PFKL: variants seen among roughly 807,000 people sequenced by gnomAD.
The protein encoded by PFKL is phosphofructokinase, liver type.
In PFKL, 74 loss-of-function variants were observed where a neutral mutation model predicts 92.1. The ratio of observed to expected loss-of-function variants is 0.80; its 90% CI spans 0.67 to 0.97. The LOEUF (loss-of-function observed/expected upper bound fraction) is 0.97. Ranked by LOEUF, PFKL falls within the 50% of genes least tolerant of loss-of-function variation. The pLI, the probability that PFKL is intolerant of heterozygous loss-of-function variation, is 0.00. For missense variants in PFKL, 1,028 were observed against 1,116.6 expected, an observed-to-expected ratio of 0.92 and a Z score of 1.13; for synonymous variants, 494 against 456.4, an observed-to-expected ratio of 1.08 and a Z score of -1.05.
chr21:44,305,869 C>T (rs766903040), intron 1 of PFKL: 1 of 1,366,032 alleles, frequency 7.3e-7, no homozygotes, highest in Non-Finnish European at 9.8e-7. Flanking sequence ...GAGCCGAGGG[C>T]AAGGGGACAG....
intron 18 of PFKL, 22 bp from the exon 19 acceptor site, chr21:44,325,131 C>T: frequency 6.5e-7 from 1 of 1,529,228 alleles, no homozygotes; most frequent in Non-Finnish European, 9.1e-7. Flanking sequence ...CCCGCCGACT[C>T]AGGCCCTGCT....
At chr21:44,316,557 C>A in intron 9 of PFKL, 33 bp downstream of exon 9, 3 of 1,490,408 alleles carry the variant, frequency 2.0e-6, no homozygotes, top group Non-Finnish European at 2.8e-6. Context: ...TGCGTACGTG[C>A]GTGGGTAAGC....
chr21:44,307,577 G>A (rs759910981), intron 2 of PFKL, among the ~76,000 whole-genome samples: 5 of 152,196 alleles, frequency 3.3e-5, no homozygotes, highest in African/African-American at 1.2e-4. Flanking sequence ...CTCACTGCTC[G>A]CTGCTGACCA....
chr21:44,313,053 A>T lies in PFKL; in HGVS notation c.503A>T (p.Asp168Val). 6.2e-7 allele frequency: 1 copy of T among 1,612,992 alleles called. No individual in the cohort carries two copies. Among genetic ancestry groups the T allele is most frequent in the South Asian group, 1.1e-5 (1 of 91,066 alleles). ...GGCCTAGTGGGCTCCATCGATAACG[A>T]CTTCTGCGGCACCGACATGACCATC... is the stretch of plus-strand genomic sequence containing the variant. Reference protein sequence around the residue: ...IAGLVGSIDNDFCGTDMTIGT... With the variant: ...IAGLVGSIDNVFCGTDMTIGT... The change falls in exon 5 of 22, where the codon GAC (aspartate) becomes GTC (valine). Residue 168 changes from aspartate to valine, a missense_variant. Asp to Val is a radical substitution (Grantham distance 152, BLOSUM62 -3). Transcript: ENST00000349048.
At chr21:44,307,928 T>C (rs1377770988) in intron 2 of PFKL, among the ~76,000 whole-genome samples, 2 of 152,206 alleles carry the variant, frequency 1.3e-5, no homozygotes, top group Non-Finnish European at 2.9e-5. Context: ...GAAAGACTCC[T>C]GTGGCAAAAG....
intron 3 of PFKL, among the ~76,000 whole-genome samples, chr21:44,311,797 C>T (rs950652557): frequency 3.3e-5 from 5 of 152,160 alleles, no homozygotes; most frequent in South Asian, 2.1e-4. Context: ...CACGTGTGCA[C>T]GCACATGTGT....
intron 5 of PFKL, 48 bp downstream of exon 5, chr21:44,313,191 CACGGTGGTGAGGTGGTCTCAGGGTG>C: frequency 6.3e-7 from 1 of 1,597,124 alleles, no homozygotes. Flanking sequence ...CTCCTCCCCG[CACGGTGGTGAGGTGGTCTCAGGGTG>C]ACGGCCATCT....
intron 7 of PFKL, 88 bp from the exon 8 acceptor site, chr21:44,316,155 GC>G: frequency 8.4e-7 from 1 of 1,193,174 alleles, no homozygotes; most frequent in East Asian, 2.4e-5. Flanking sequence ...GGGAATGGTG[GC>G]CCCAGGGAGG....
At position 44,305,529 on chromosome 21, in the gene PFKL, A is replaced by G; in HGVS notation, c.86-1152A>G. ...ATGGCTTAGGGATGGATGGCATGGTATGGGTGCTGGGAGGGAGGCAGGAAG... is the reference window on the plus strand; with the variant it reads ...ATGGCTTAGGGATGGATGGCATGGTGTGGGTGCTGGGAGGGAGGCAGGAAG... On this transcript the variant is annotated intron_variant, in intron 1 of 21. Coordinates refer to ENST00000349048, the MANE Select transcript of PFKL (RefSeq NM_002626.6). 3 of 1,010,220 alleles carry G rather than the reference A, an allele frequency of 3.0e-6. No homozygotes were observed. The South Asian group carries it at 4.2e-5, about 14-fold the overall frequency. 62.6% of individuals were successfully genotyped at this position (1,010,220 alleles called of 1,614,324 possible).
chr21:44,308,508 C>T (rs1602005516), intron 2 of PFKL, among the ~76,000 whole-genome samples: 2 of 151,734 alleles, frequency 1.3e-5, no homozygotes, highest in East Asian at 1.9e-4. Flanking sequence ...GACCTGCCCT[C>T]CTCCCAGGGA....
At chr21:44,316,063 G>A (rs2047195577) in intron 7 of PFKL, 181 bp from the exon 8 acceptor site, 1 of 622,926 alleles carries the variant, frequency 1.6e-6, no homozygotes, top group Non-Finnish European at 2.9e-6. Flanking sequence ...CGTCCTAGTG[G>A]GCCCAGCCTC....
chr21:44,322,321 T>A, intron 14 of PFKL, 118 bp downstream of exon 14: 1 of 932,668 alleles, frequency 1.1e-6, no homozygotes, highest in Non-Finnish European at 1.6e-6. Context: ...CCCCTCTTCC[T>A]GCTGGTGGTC....
In PFKL at chr21:44,306,707, A is replaced by G; in HGVS notation, c.112A>G (p.Thr38Ala). The stretch of plus-strand genomic sequence containing the variant: ...CATGAACGCTGCTGTCCGGGCTGTG[A>G]CGCGCATGGGCATTTATGTGGGTGC... ...QGMNAAVRAVTRMGIYVGAKV... is the reference protein window; with the variant it reads ...QGMNAAVRAVARMGIYVGAKV... The change falls in exon 2 of 22, where the codon ACG becomes GCG. Residue 38 changes from threonine to alanine, a missense_variant. Transcript: ENST00000349048. The G allele has an allele frequency of 6.2e-7, 1 of 1,613,818 alleles. No individual in the cohort carries two copies. The highest frequency in any genetic ancestry group is 8.5e-7 in the Non-Finnish European group (1 of 1,179,940).
intron 7 of PFKL, 30 bp downstream of exon 7, chr21:44,314,051 C>T (rs1446876010): frequency 6.6e-7 from 1 of 1,509,372 alleles, no homozygotes. Context: ...CTGGGGGCCG[C>T]AGGTGTCCTG....
chr21:44,316,221 G>A (rs755800450), intron 7 of PFKL, 23 bp from the exon 8 acceptor site: 3 of 1,609,722 alleles, frequency 1.9e-6, no homozygotes, highest in Non-Finnish European at 2.5e-6. Context: ...TGGCAGCTGA[G>A]CCCTGTCGTG....
chr21:44,313,687 G>T lies in PFKL; in HGVS notation c.638+5G>T, dbSNP rs1331922661. On this transcript the variant is annotated splice_donor_5th_base_variant and intron_variant, in intron 6 of 21. Transcript: ENST00000349048. Reference sequence around the variant, plus strand: ...AGTGATGGGCCGGCACTGCGGGTGAGGAGGGGCTTCCTGGCCCGCTGGGTG... The same window carrying T: ...AGTGATGGGCCGGCACTGCGGGTGATGAGGGGCTTCCTGGCCCGCTGGGTG... The T allele has an allele frequency of 6.2e-7, 1 of 1,611,126 alleles. No homozygotes were observed. The highest frequency in any genetic ancestry group is 1.3e-5 in the African/African-American group (1 of 75,064).
At chr21:44,315,430 C>G (rs2047176490) in intron 7 of PFKL, 1 of 152,524 alleles carries the variant, frequency 6.6e-6, no homozygotes, top group Admixed American at 6.5e-5. Context: ...TTCCGGGTGT[C>G]TGACCTCACC....
intron 1 of PFKL, among the ~76,000 whole-genome samples, chr21:44,300,648 G>C (rs1020469154): frequency 6.6e-6 from 1 of 152,260 alleles, no homozygotes; most frequent in Non-Finnish European, 1.5e-5. Context: ...ACTCACTCCC[G>C]GACCGCGCCT....
At chr21:44,324,987 G>A (rs991539914) in intron 18 of PFKL, 70 bp downstream of exon 18, 30 of 1,454,332 alleles carry the variant, frequency 2.1e-5, no homozygotes, top group African/African-American at 2.8e-5. Flanking sequence ...GGCTGCTGAG[G>A]AGCGGCTGGG....
Sources: gnomAD v4.1 joint callset for allele counts (sites outside exome capture counted in the v4.1 genomes callset) on GRCh38, gnomAD v4.1.1 for gene constraint, MANE v1.5 for transcripts, NCBI Gene and HGNC (gene_info 2026-07-23, HGNC 2026-07-21) for gene names.